KDM4C: variants seen among roughly 807,000 people sequenced by gnomAD.
KDM4C encodes lysine demethylase 4C.
In KDM4C, 81 loss-of-function variants were observed where a neutral mutation model predicts 129.3. That is an observed-to-expected ratio of 0.63 (90% CI 0.52 to 0.75). KDM4C has a LOEUF of 0.75. KDM4C is among the 30% of genes least tolerant of loss of function. The pLI is 0.00. For synonymous variants in KDM4C, 573 were observed against 456.1 expected (o/e 1.26, Z -3.26); for missense variants, 1,457 against 1,304.0 (o/e 1.12, Z -1.81).
chr9:7,010,905 A>G (rs898360281), intron 12 of KDM4C, among the ~76,000 whole-genome samples: 2 of 152,062 alleles, frequency 1.3e-5, no homozygotes, highest in African/African-American at 2.4e-5. Flanking sequence ...TTCGCTAGGC[A>G]TGGTGGTGGG....
At chr9:6,950,985 C>G (rs1055701903) in intron 8 of KDM4C, among the ~76,000 whole-genome samples, 1 of 152,124 alleles carries the variant, frequency 6.6e-6, no homozygotes, top group African/African-American at 2.4e-5. Flanking sequence ...TTTGCCATCT[C>G]TGAAGGGAGG....
chr9:6,723,981 C>A (rs1817045833), intron 1 of KDM4C: 1 of 152,106 alleles, frequency 6.6e-6, no homozygotes, highest in Non-Finnish European at 1.5e-5. Flanking sequence ...TGGGGAAATG[C>A]CATAATTAAA....
intron 17 of KDM4C, among the ~76,000 whole-genome samples, chr9:7,061,608 A>G (rs983731874): frequency 2.6e-5 from 4 of 152,218 alleles, no homozygotes; most frequent in African/African-American, 9.6e-5. Context: ...CTGAAGGGTA[A>G]AAGCCTGGCT....
At chr9:6,895,985 A>T (rs191369028) in intron 8 of KDM4C, among the ~76,000 whole-genome samples, 55 of 152,238 alleles carry the variant, frequency 3.6e-4, no homozygotes, top group African/African-American at 1.3e-3. Context: ...GGTATCTTTA[A>T]TCAGTTATTT....
intron 3 of KDM4C, among the ~76,000 whole-genome samples, chr9:6,808,905 A>G (rs912640549): frequency 1.3e-5 from 2 of 152,086 alleles, no homozygotes; most frequent in African/African-American, 4.8e-5. Context: ...TGATATGATA[A>G]TTAAGGCCCC....
chr9:6,874,537 T>G (rs1843277678), intron 5 of KDM4C, among the ~76,000 whole-genome samples: 2 of 152,218 alleles, frequency 1.3e-5, no homozygotes, highest in Non-Finnish European at 1.5e-5. Flanking sequence ...TTTAACTTTA[T>G]TACTCATTTT....
chr9:6,843,223 C>T (rs539891995), intron 4 of KDM4C, among the ~76,000 whole-genome samples: 1 of 152,338 alleles, frequency 6.6e-6, no homozygotes, highest in Admixed American at 6.5e-5. Context: ...GCCACTGTGC[C>T]CGGCCTGCTG....
intron 4 of KDM4C, among the ~76,000 whole-genome samples, chr9:6,821,027 A>G (rs1832945718): frequency 6.6e-6 from 1 of 152,126 alleles, no homozygotes; most frequent in Admixed American, 6.5e-5. Flanking sequence ...AGCTCCATCC[A>G]TGTCCCTGCA....
At chr9:7,081,438 C>T (rs1834510218) in intron 17 of KDM4C, among the ~76,000 whole-genome samples, 1 of 152,132 alleles carries the variant, frequency 6.6e-6, no homozygotes, top group African/African-American at 2.4e-5. Flanking sequence ...GTGCCCCATC[C>T]AGCATACCAA....
chr9:6,925,012 A>G (rs889444543), intron 8 of KDM4C: 3 of 985,386 alleles, frequency 3.0e-6, no homozygotes, highest in South Asian at 4.7e-5. Context: ...TAGGCTTCCT[A>G]CTTCTGAAGT....
intron 5 of KDM4C, among the ~76,000 whole-genome samples, chr9:6,872,410 G>C (rs550247471): frequency 6.6e-6 from 1 of 152,254 alleles, no homozygotes; most frequent in East Asian, 1.9e-4. Context: ...CTGAGTTTAA[G>C]TCCTGAATAT....
At position 7,059,151 on chromosome 9, in the gene KDM4C, A is replaced by AT. The variant is rs569138067; in HGVS notation, c.2424+9957dup. Reference sequence around the variant, plus strand: ...GTGTAACTCAGTGACAGTATTTTGTATTTTTTGTTTGTTTTTGGAGCAGGG... The same window carrying AT: ...GTGTAACTCAGTGACAGTATTTTGTATTTTTTTGTTTGTTTTTGGAGCAGGG... On this transcript the variant is annotated intron_variant, in intron 17 of 21. Coordinates refer to ENST00000381309, the MANE Select transcript of KDM4C (RefSeq NM_015061.6). Among the ~76,000 whole-genome samples the AT allele has an allele frequency of 6.3e-3, 962 of 152,214 alleles. 12 individuals are homozygous for AT. Among genetic ancestry groups the AT allele is most frequent in the Middle Eastern group, 0.037 (11 of 294 alleles).
chr9:6,995,764 T>C (rs758385917), intron 12 of KDM4C, among the ~76,000 whole-genome samples: 32 of 152,172 alleles, frequency 2.1e-4, no homozygotes, highest in African/African-American at 4.3e-4. Context: ...CTCTGCCTGC[T>C]GGGTTCACAC....
At chr9:7,059,200 AGTGCAGTGGCGCCATCAT>A (rs1029736228) in intron 17 of KDM4C, among the ~76,000 whole-genome samples, 17 of 152,146 alleles carry the variant, frequency 1.1e-4, no homozygotes, top group Non-Finnish European at 4.4e-5. Context: ...CCCAGGTGGG[AGTGCAGTGGCGCCATCAT>A]GGCTCATTGC....
At chr9:6,824,400 T>C (rs193166059) in intron 4 of KDM4C, among the ~76,000 whole-genome samples, 85 of 152,226 alleles carry the variant, frequency 5.6e-4, no homozygotes, top group African/African-American at 1.9e-3. Flanking sequence ...GCAAGAGGCT[T>C]GGGGAGGGCT....
chr9:7,174,448 C>T (rs1845261696), intron 21 of KDM4C, 105 bp from the exon 22 acceptor site: 1 of 1,044,448 alleles, frequency 9.6e-7, no homozygotes. Context: ...AGCTGGTGAC[C>T]TGGGCATCTG....
intron 8 of KDM4C, among the ~76,000 whole-genome samples, chr9:6,952,725 G>A (rs186346485): frequency 4.1e-4 from 62 of 152,252 alleles, no homozygotes; most frequent in Admixed American, 3.8e-3. Flanking sequence ...ACAGGTGTGA[G>A]CCACTGTGCC....
At chr9:6,948,917 T>A (rs966348665) in intron 8 of KDM4C, among the ~76,000 whole-genome samples, 7 of 152,212 alleles carry the variant, frequency 4.6e-5, no homozygotes, top group South Asian at 2.1e-4. Flanking sequence ...CTGATTTCTC[T>A]ATCTTTTCCC....
At chr9:7,126,305 A>G (rs918086684) in intron 18 of KDM4C, among the ~76,000 whole-genome samples, 1 of 152,210 alleles carries the variant, frequency 6.6e-6, no homozygotes, top group Non-Finnish European at 1.5e-5. Context: ...ATGAGCTGGT[A>G]ATTGAACTTG....
Sources: allele counts gnomAD v4.1 joint callset (sites outside exome capture counted in the v4.1 genomes callset), GRCh38; gene constraint gnomAD v4.1.1; transcripts MANE v1.5; gene names NCBI Gene and HGNC (gene_info 2026-07-23, HGNC 2026-07-21).